The following DNAAF11 variants were observed in gnomAD, a reference collection of about 807,000 sequenced individuals.
The protein encoded by DNAAF11 is leucine rich repeat containing 6.
DNAAF11 carries 45 observed loss-of-function variants against 60.8 expected under a neutral mutation model. The observed-to-expected ratio is 0.74, with a 90% CI of 0.58 to 0.95. The LOEUF (loss-of-function observed/expected upper bound fraction) is 0.95, where lower values mean the gene tolerates loss of function less well. Among genes scored for constraint, DNAAF11 ranks in the 40% least tolerant of loss-of-function variants. DNAAF11 has a pLI of 0.00. For synonymous variants in DNAAF11, 191 were observed against 183.5 expected (o/e 1.04, Z -0.33); for missense variants, 546 against 546.2 (o/e 1.00, Z 0.00).
intron 11 of DNAAF11, among the ~76,000 whole-genome samples, chr8:132,577,267 A>C (rs1464208687): frequency 6.6e-6 from 1 of 152,200 alleles, no homozygotes; most frequent in Non-Finnish European, 1.5e-5. Context: ...GGCCAACAGA[A>C]TACAAAGATG....
chr8:132,639,174 C>A (rs1821610626), intron 3 of DNAAF11, among the ~76,000 whole-genome samples: 1 of 152,184 alleles, frequency 6.6e-6, no homozygotes, highest in Non-Finnish European at 1.5e-5. Context: ...AAGAAGCAAG[C>A]ACAGCTGTCT....
At chr8:132,600,310 A>G (rs547586444) in intron 10 of DNAAF11, among the ~76,000 whole-genome samples, 4 of 152,338 alleles carry the variant, frequency 2.6e-5, no homozygotes, top group Admixed American at 6.5e-5. Context: ...ATGCTCATGG[A>G]TAGGAAGAAT....
intron 10 of DNAAF11, among the ~76,000 whole-genome samples, chr8:132,593,628 A>G (rs1384346264): frequency 5.9e-5 from 9 of 151,866 alleles, no homozygotes. Context: ...TCAAAAAGAA[A>G]CAAAGTCATA....
chr8:132,624,421 G>A (rs899525224), intron 6 of DNAAF11, among the ~76,000 whole-genome samples: 2 of 152,172 alleles, frequency 1.3e-5, no homozygotes, highest in Non-Finnish European at 2.9e-5. Context: ...GTCCCTTAGT[G>A]TGCAAATCAC....
intron 1 of DNAAF11, among the ~76,000 whole-genome samples, chr8:132,669,772 T>A (rs79311386): frequency 6.6e-6 from 1 of 151,904 alleles, no homozygotes; most frequent in African/African-American, 2.4e-5. Context: ...ATTTTTTAAA[T>A]TTGGGCATAA....
chr8:132,660,199 A>G (rs1339559887), intron 2 of DNAAF11, among the ~76,000 whole-genome samples: 1 of 151,652 alleles, frequency 6.6e-6, no homozygotes, highest in Non-Finnish European at 1.5e-5. Context: ...GCAGCAGCAC[A>G]GCAGCTATCC....
intron 2 of DNAAF11, among the ~76,000 whole-genome samples, chr8:132,659,450 C>T (rs771302977): frequency 2.4e-4 from 37 of 152,032 alleles, no homozygotes; most frequent in African/African-American, 4.8e-4. Context: ...TGAAAAGGAC[C>T]GAAATACCAT....
At chr8:132,693,666 A>T in the DNAAF11 span, among the ~76,000 whole-genome samples, 1 of 151,970 alleles carries the variant, frequency 6.6e-6, no homozygotes, top group Non-Finnish European at 1.5e-5. Context: ...GGGTGGGGGA[A>T]AGCAAGCAGA....
chr8:132,584,612 C>A (rs1268744320), intron 10 of DNAAF11, among the ~76,000 whole-genome samples: 1 of 152,170 alleles, frequency 6.6e-6, no homozygotes, highest in African/African-American at 2.4e-5. Flanking sequence ...ATGGGGTCTG[C>A]CTTTTGTTTT....
upstream of DNAAF11, among the ~76,000 whole-genome samples, chr8:132,677,460 C>T (rs7835194): frequency 0.16 from 24,739 of 151,980 alleles, 5,658 homozygotes; most frequent in African/African-American, 0.51. Flanking sequence ...GGATCTCAGC[C>T]TCTGGATCAG....
At chr8:132,677,902 C>T (rs1825812674), upstream of DNAAF11, among the ~76,000 whole-genome samples, 2 of 152,112 alleles carry the variant, frequency 1.3e-5, no homozygotes, top group African/African-American at 4.8e-5. Context: ...TTTGGCAATC[C>T]CTTTTATAAG....
At position 132,632,130 on chromosome 8, in the gene DNAAF11, G is replaced by A. The variant is rs1485376226; in HGVS notation, c.653+610C>T. ...TATATAACTATTTTCAAACATTTAT[G>A]TATGTCTGCAATATTTTATAATTAT... On this transcript the variant is annotated intron_variant, in intron 5 of 11. Transcript: ENST00000620350. Among the ~76,000 whole-genome samples the A allele has an allele frequency of 5.3e-5, 8 of 151,290 alleles. No homozygotes were observed. The East Asian group carries it at 1.5e-3, about 29-fold the overall frequency.
chr8:132,679,455 G>C (rs1049958417), upstream of DNAAF11, among the ~76,000 whole-genome samples: 1 of 152,178 alleles, frequency 6.6e-6, no homozygotes, highest in Non-Finnish European at 1.5e-5. Context: ...GGCTTACCAG[G>C]AAGTGTACCT....
chr8:132,596,674 T>C (rs997811686), intron 10 of DNAAF11, among the ~76,000 whole-genome samples: 10 of 152,268 alleles, frequency 6.6e-5, no homozygotes, highest in African/African-American at 2.4e-4. Context: ...GTGTTCACAG[T>C]AGGTGATAAA....
intron 4 of DNAAF11, among the ~76,000 whole-genome samples, chr8:132,634,314 T>A (rs1220591050): frequency 6.6e-6 from 1 of 152,184 alleles, no homozygotes; most frequent in Non-Finnish European, 1.5e-5. Context: ...TCCTCTAACA[T>A]GCAGCTCTAA....
intron 8 of DNAAF11, among the ~76,000 whole-genome samples, chr8:132,612,148 G>A (rs1409722842): frequency 1.3e-5 from 2 of 152,018 alleles, no homozygotes; most frequent in Non-Finnish European, 2.9e-5. Flanking sequence ...TATTACCTGG[G>A]ACCACATTCC....
chr8:132,652,833 C>T (rs538725962), intron 3 of DNAAF11, among the ~76,000 whole-genome samples: 1 of 152,152 alleles, frequency 6.6e-6, no homozygotes, highest in South Asian at 2.1e-4. Context: ...GGAGAAGTAC[C>T]TAATGTAGAT....
chr8:132,634,105 C>A (rs1821064207), intron 4 of DNAAF11, among the ~76,000 whole-genome samples: 1 of 151,966 alleles, frequency 6.6e-6, no homozygotes, highest in Admixed American at 6.6e-5. Flanking sequence ...TTAGAATCAG[C>A]TGAATTATAA....
chr8:132,665,863 C>T (rs112624542), intron 1 of DNAAF11, among the ~76,000 whole-genome samples: 331 of 152,216 alleles, frequency 2.2e-3, no homozygotes, highest in African/African-American at 7.4e-3. Flanking sequence ...CCATCAACAG[C>T]GGATTGGATA....
Sources: allele counts gnomAD v4.1 joint callset (sites outside exome capture counted in the v4.1 genomes callset), GRCh38; gene constraint gnomAD v4.1.1; transcripts MANE v1.5; gene names NCBI Gene and HGNC (gene_info 2026-07-23, HGNC 2026-07-21).